The following CACNA1C variants were observed in gnomAD, a reference collection of about 807,000 sequenced individuals.
CACNA1C encodes voltage-dependent L-type calcium channel subunit alpha-1C.
CACNA1C carries 30 observed loss-of-function variants against 229.0 expected under a neutral mutation model. That is an observed-to-expected ratio of 0.13 (90% CI 0.10 to 0.18). The LOEUF (loss-of-function observed/expected upper bound fraction) is 0.18, where lower values mean the gene tolerates loss of function less well. Among genes scored for constraint, CACNA1C ranks in the 10% least tolerant of loss-of-function variants. The pLI, the probability that CACNA1C is intolerant of heterozygous loss-of-function variation, is 1.00. For synonymous variants in CACNA1C, 1,114 were observed against 1,132.5 expected, an observed-to-expected ratio of 0.98 and a Z score of 0.33; for missense variants, 1,658 against 2,845.0, an observed-to-expected ratio of 0.58 and a Z score of 9.49.
chr12:2,622,823 G>A (rs1246422935), intron 29 of CACNA1C, among the ~76,000 whole-genome samples: 3 of 152,040 alleles, frequency 2.0e-5, no homozygotes, highest in Non-Finnish European at 2.9e-5. Context: ...CCCTACAATG[G>A]TCAGGGCAGC....
At chr12:2,137,884 G>T (rs76691122) in intron 3 of CACNA1C, among the ~76,000 whole-genome samples, 2 of 151,314 alleles carry the variant, frequency 1.3e-5, no homozygotes, top group Non-Finnish European at 3.0e-5. Flanking sequence ...GTCCGGGAGC[G>T]CCAGGCCAGT....
At chr12:2,362,993 G>GT (rs2097601005) in intron 3 of CACNA1C, among the ~76,000 whole-genome samples, 1 of 152,224 alleles carries the variant, frequency 6.6e-6, no homozygotes, top group African/African-American at 2.4e-5. Context: ...GGCCGTAACA[G>GT]GCTGTTAGTC....
At chr12:2,374,620 T>C (rs1271497521) in intron 3 of CACNA1C, among the ~76,000 whole-genome samples, 2 of 152,214 alleles carry the variant, frequency 1.3e-5, no homozygotes, top group South Asian at 2.1e-4. Flanking sequence ...TACACCCACA[T>C]AGCAGCTCCT....
chr12:2,043,137 GC>G (rs1311575973), intron 1 of CACNA1C, among the ~76,000 whole-genome samples: 4 of 152,168 alleles, frequency 2.6e-5, no homozygotes, highest in Non-Finnish European at 5.9e-5. Context: ...GTTACAGCCT[GC>G]CCTCCTATGA....
chr12:2,437,899 G>C (rs982107354), intron 3 of CACNA1C, among the ~76,000 whole-genome samples: 1 of 150,116 alleles, frequency 6.7e-6, no homozygotes, highest in Non-Finnish European at 1.5e-5. Context: ...TGATGATGGT[G>C]ATAGTAGAGG....
chr12:2,171,109 G>A (rs1472493116), intron 3 of CACNA1C, among the ~76,000 whole-genome samples: 2 of 152,246 alleles, frequency 1.3e-5, no homozygotes, highest in African/African-American at 4.8e-5. Context: ...CCCTGAATAG[G>A]TGAGGTGGAC....
chr12:2,222,631 G>T lies in CACNA1C; in HGVS notation c.477+102201G>T, dbSNP rs143626026. 1.3e-3 allele frequency among the ~76,000 whole-genome samples: 197 copies of T among 152,242 alleles called. 2 individuals are homozygous for T. Among genetic ancestry groups the T allele is most frequent in the African/African-American group, 3.9e-3 (164 of 41,526 alleles). ...GATGGATCATTTATGGTACCCTGTCGTGCCCTTTAGTACACCTTTGCCTGG... is the reference window on the plus strand; with the variant it reads ...GATGGATCATTTATGGTACCCTGTCTTGCCCTTTAGTACACCTTTGCCTGG... On this transcript the variant is annotated intron_variant, in intron 3 of 46. Transcript: ENST00000399655.
At position 2,014,349 on chromosome 12, in the gene CACNA1C, A is replaced by C. The variant is rs181882640; in HGVS notation, c.139+43148A>C. On this transcript the variant is annotated intron_variant, in intron 1 of 46. Transcript: ENST00000682462. ...GTTCTTATAATAAGCATAGCAACTC[A>C]TGGCTCAGCACTTTCCCATGGAGTA... Among the ~76,000 whole-genome samples, 364 of 152,224 alleles carry C rather than the reference A, an allele frequency of 2.4e-3. 3 individuals carry two copies. The highest frequency in any genetic ancestry group is 8.2e-3 in the African/African-American group (339 of 41,530).
intron 3 of CACNA1C, among the ~76,000 whole-genome samples, chr12:2,161,296 G>T (rs114848189): frequency 6.6e-6 from 1 of 152,200 alleles, no homozygotes; most frequent in African/African-American, 2.4e-5. Context: ...GGGGAGAGAC[G>T]GGGGCACTGC....
At position 2,605,561 on chromosome 12, in the gene CACNA1C, T is replaced by C; in HGVS notation, c.3049-118T>C. Reference sequence around the variant, plus strand: ...CCATGTGACTTTGGGAGCGTGGCTTTGCCCCTCTCAGCCCAATTACTCCCC... The same window carrying C: ...CCATGTGACTTTGGGAGCGTGGCTTCGCCCCTCTCAGCCCAATTACTCCCC... On this transcript the variant is annotated intron_variant, in intron 23 of 46. Transcript: ENST00000399655. This position sits in a 1 kb window ranked among gnomAD's most constrained non-coding sequence, Gnocchi z 6.2. 1.4e-6 allele frequency: 1 copy of C among 737,392 alleles called. No individual in the cohort carries two copies. 45.7% of individuals were successfully genotyped at this position (737,392 alleles called of 1,614,324 possible).
In CACNA1C at chr12:2,523,945, G is replaced by A. The variant is rs540961140; in HGVS notation, c.1390+10961G>A. Among the ~76,000 whole-genome samples, 9 of 152,328 alleles carry A rather than the reference G, an allele frequency of 5.9e-5. No homozygotes were observed. In the South Asian group the frequency reaches 8.3e-4, roughly 14 times the overall value. ...ACAGTGGGGGTAAGAAGCTCATGCC[G>A]CATCAAGATATCTTAACTGTCAGAG... On this transcript the variant is annotated intron_variant, in intron 9 of 46. Coordinates refer to ENST00000399655, the MANE Select transcript of CACNA1C (RefSeq NM_000719.7).
chr12:2,211,300 G>A (rs2097910890), intron 3 of CACNA1C, among the ~76,000 whole-genome samples: 1 of 152,254 alleles, frequency 6.6e-6, no homozygotes, highest in Non-Finnish European at 1.5e-5. Context: ...TGTTCCAGCA[G>A]CTTATTGGAT....
rs1389916673 is a variant in CACNA1C at position 2,654,477 on chromosome 12, C to T, written c.4140+577C>T. 4.6e-5 allele frequency among the ~76,000 whole-genome samples: 7 copies of T among 152,186 alleles called. No homozygotes were observed. Among genetic ancestry groups the T allele is most frequent in the African/African-American group, 1.4e-4 (6 of 41,456 alleles). ...CCGCAAACCTAGGGCTCTCCATTCC[C>T]GTCTTGGGGCTCCAGCTTGAGTCCC... is the stretch of plus-strand genomic sequence containing the variant. On this transcript the variant is annotated intron_variant, in intron 33 of 46. Transcript: ENST00000399655. The surrounding 1 kb of genome is among the most constrained non-coding windows in gnomAD (Gnocchi z 4.4).
At chr12:2,559,096 A>G (rs1275948441) in intron 11 of CACNA1C, among the ~76,000 whole-genome samples, 2 of 152,260 alleles carry the variant, frequency 1.3e-5, no homozygotes, top group Non-Finnish European at 2.9e-5. Flanking sequence ...CAGTAAGACA[A>G]TAGACTTGAC....
chr12:2,368,899 A>T (rs370025929), intron 3 of CACNA1C, among the ~76,000 whole-genome samples: 2 of 152,242 alleles, frequency 1.3e-5, no homozygotes, highest in East Asian at 3.8e-4. Flanking sequence ...GGAAAGGATA[A>T]GAGACGGCAT....
chr12:2,590,871 A>G (rs1442643996), intron 18 of CACNA1C, among the ~76,000 whole-genome samples: 1 of 152,228 alleles, frequency 6.6e-6, no homozygotes, highest in Non-Finnish European at 1.5e-5. Context: ...AAAGAATACA[A>G]ACACCTAGGC....
intron 3 of CACNA1C, among the ~76,000 whole-genome samples, chr12:2,306,583 T>A (rs2095042887): frequency 6.6e-6 from 1 of 152,212 alleles, no homozygotes; most frequent in South Asian, 2.1e-4. Flanking sequence ...ATCCTCAGAA[T>A]GTCAATCTTT....
In CACNA1C at chr12:2,692,672, G is replaced by A. The variant is rs886049221; in HGVS notation, c.*1473G>A. 1.3e-5 allele frequency: 2 copies of A among 152,532 alleles called. No individual in the cohort carries two copies. Among genetic ancestry groups the A allele is most frequent in the African/African-American group, 4.8e-5 (2 of 41,428 alleles). 9.4% of individuals were successfully genotyped at this position (152,532 alleles called of 1,614,324 possible). A position where few individuals can be genotyped will look rare whatever the true frequency, so the allele number is the denominator to read the frequency against. On this transcript the variant is annotated 3_prime_UTR_variant, in exon 47 of 47. Transcript: ENST00000399655. ...GCATTAAAACTGTATTTTAAAAAAA[G>A]ACAGAAATTTAAGGGAAAAACACAA...
At position 2,682,462 on chromosome 12, in the gene CACNA1C, G is replaced by C. The variant is rs2153817392; in HGVS notation, c.5445-88G>C. 9 of 1,469,958 alleles carry C rather than the reference G, an allele frequency of 6.1e-6. No homozygotes were observed. In the South Asian group the frequency reaches 1.1e-4, roughly 18 times the overall value. The allele number at this position is 1,469,958 out of a possible 1,614,324, so 91.1% of individuals were successfully genotyped here. ...TTTGTGCACGTGTGTACACCTGCAT[G>C]TGTGTGCGTGTGTGATGCTTTACTT... is the stretch of plus-strand genomic sequence containing the variant. On this transcript the variant is annotated intron_variant, in intron 42 of 46. Coordinates refer to ENST00000399655, the MANE Select transcript of CACNA1C (RefSeq NM_000719.7).
Sources: allele counts gnomAD v4.1 joint callset (sites outside exome capture counted in the v4.1 genomes callset), GRCh38; gene constraint gnomAD v4.1.1; non-coding constraint Gnocchi (gnomAD v3.1); transcripts MANE v1.5; gene names NCBI Gene and HGNC (gene_info 2026-07-23, HGNC 2026-07-21).